SALL1: variants seen among roughly 807,000 people sequenced by gnomAD.
SALL1 encodes the protein spalt like transcription factor 1, also known as sal-like protein 1.
In SALL1, 10 loss-of-function variants were observed where a neutral mutation model predicts 73.1. The observed-to-expected ratio is 0.14, with a 90% CI of 0.08 to 0.23. The LOEUF (loss-of-function observed/expected upper bound fraction) is 0.23, where lower values mean the gene tolerates loss of function less well. Among genes scored for constraint, SALL1 ranks in the 10% least tolerant of loss-of-function variants. The pLI is 1.00. For missense variants in SALL1, 1,520 were observed against 1,697.3 expected (o/e 0.90, Z 1.84); for synonymous variants, 688 against 689.8 (o/e 1.00, Z 0.04).
Position 51,141,328 on chromosome 16 carries a change from T to A in SALL1, c.894A>T (p.Gly298=), listed in dbSNP as rs1186589513. The A allele has an allele frequency of 6.2e-7, 1 of 1,613,604 alleles. No individual in the cohort carries two copies. ...ATTGGCTGGCGAGGCTCTGTGCCAA[T>A]CCAGCTGCTGCTGCCAGCTGCTGAG... The part of the protein sequence containing the change: ...HLSQQLAAAA[G]LAQSLASQSA... The change falls in exon 2 of 3, where the codon GGA becomes GGT. Residue 298 remains glycine, a synonymous_variant. Transcript: ENST00000251020. The surrounding 1 kb of genome is among the most constrained non-coding windows in gnomAD (Gnocchi z 5.4).
Position 51,151,159 on chromosome 16 carries a change from C to CACT in SALL1, c.76+4_76+6dup. 6.3e-7 allele frequency: 1 copy of CACT among 1,592,000 alleles called. No individual in the cohort carries two copies. Among genetic ancestry groups the CACT allele is most frequent in the South Asian group, 1.1e-5 (1 of 87,050 alleles). Reference sequence around the variant, plus strand: ...TGTGTGTCCACGGCGCGGGCCGGAGCACTCACCATCTCGCCGGGGGAGCGA... The same window carrying CACT: ...TGTGTGTCCACGGCGCGGGCCGGAGCACTACTCACCATCTCGCCGGGGGAGCGA... On this transcript the variant is annotated splice_region_variant and intron_variant, in intron 1 of 2. Coordinates refer to ENST00000251020, the MANE Select transcript of SALL1 (RefSeq NM_002968.3).
At chr16:51,149,778 C>T (rs1378278860) in intron 1 of SALL1, 1 of 152,158 alleles carries the variant, frequency 6.6e-6, no homozygotes, top group Non-Finnish European at 1.5e-5. Flanking sequence ...GAGAGGCAGG[C>T]CTCTGGGAAA....
In SALL1 at chr16:51,139,744, A is replaced by G. The variant is rs758348578; in HGVS notation, c.2478T>C (p.Asp826=). ...CCTCAGGACAGTCTTCCATGTTTTC[A>G]TCAGAGAAGTTGTCTAGGTCATCAA... The part of the protein sequence containing the change: ...KNFDDLDNFS[D]ENMEDCPEGS... The change falls in exon 2 of 3, where the codon GAT becomes GAC. Residue 826 remains aspartate (D), a synonymous_variant. Transcript: ENST00000251020. The G allele has an allele frequency of 5.0e-6, 8 of 1,614,114 alleles. No individual in the cohort carries two copies. The highest frequency in any genetic ancestry group is 1.3e-5 in the African/African-American group (1 of 74,944).
intron 1 of SALL1, 106 bp from the exon 2 acceptor site, chr16:51,142,251 C>CA: frequency 1.1e-6 from 1 of 880,650 alleles, no homozygotes; most frequent in Non-Finnish European, 1.9e-6. Flanking sequence ...CTGCAAAACT[C>CA]AAAACTGTAG....
At position 51,137,067 on chromosome 16, in the gene SALL1, G is replaced by C. The variant is rs774473806; in HGVS notation, c.*45C>G. 2 of 1,596,514 alleles carry C rather than the reference G, an allele frequency of 1.3e-6. No individual in the cohort carries two copies. Among genetic ancestry groups the C allele is most frequent in the Non-Finnish European group, 1.7e-6 (2 of 1,165,622 alleles). ...AAGGAGTAGGAGGCCACCATAGGTC[G>C]CATTCTGAACAGGAATGAATGCTAT... On this transcript the variant is annotated 3_prime_UTR_variant, in exon 3 of 3. Transcript: ENST00000251020.
In SALL1 at chr16:51,137,130, C is replaced by T. The variant is rs1366906259; in HGVS notation, c.3957G>A (p.Lys1319=). ...AGCTGCTTTAACTCGTGACGATCTC[C>T]TTGCTGTCCTCCACGAAGCGGGTGA... ...FRFTRFVEDS[K]EIVTS is the part of the protein sequence containing the mutation. Residue 1319 remains lysine, a synonymous_variant, in exon 3 of 3, where the codon AAG becomes AAA. Coordinates refer to ENST00000251020, the MANE Select transcript of SALL1 (RefSeq NM_002968.3). 8.1e-6 allele frequency: 13 copies of T among 1,614,060 alleles called. No individual in the cohort carries two copies. The Admixed American group carries it at 8.3e-5, about 10-fold the overall frequency.
Position 51,139,056 on chromosome 16 carries a change from G to A in SALL1, c.3166C>T (p.Leu1056=), listed in dbSNP as rs1962362737. 6.2e-7 allele frequency: 1 copy of A among 1,614,218 alleles called. No homozygotes were observed. The highest frequency in any genetic ancestry group is 2.2e-5 in the East Asian group (1 of 44,882). ...CTGGGCTCAAAGAGCTGGGATGGCA[G>A]ATCTCGCATCTGATGTGTCAACATG... ...QHMLTHQMRD[L]PSQLFEPSSN... The change falls in exon 2 of 3, where the codon CTG becomes TTG. Residue 1056 remains leucine, a synonymous_variant. Coordinates refer to ENST00000251020, the MANE Select transcript of SALL1 (RefSeq NM_002968.3).
Position 51,137,319 on chromosome 16 carries a change from C to T in SALL1, c.3768G>A (p.Gln1256=), listed in dbSNP as rs886052081. Residue 1256 remains glutamine, a synonymous_variant, in exon 3 of 3, where the codon CAG becomes CAA. Transcript: ENST00000251020. ...AMKANEISVI[Q]NGGIPPIPGS... ...CAGGAATTGGAGGGATGCCACCGTT[C>T]TGAATGACGGAGATCTCGTTGGCCT... 4 of 1,614,122 alleles carry T rather than the reference C, an allele frequency of 2.5e-6. No homozygotes were observed. The Admixed American group carries it at 6.7e-5, about 27-fold the overall frequency.
intron 1 of SALL1, 96 bp downstream of exon 1, chr16:51,151,070 T>C: frequency 3.9e-6 from 3 of 765,682 alleles, no homozygotes; most frequent in Admixed American, 2.8e-5. Flanking sequence ...GGCGGTGAGG[T>C]AGGGGGCGCG....
chr16:51,149,377 CA>C (rs549185910), intron 1 of SALL1: 3 of 152,250 alleles, frequency 2.0e-5, no homozygotes, highest in South Asian at 4.1e-4. Context: ...TTTTCCGGTG[CA>C]AAAGGTCTCA....
chr16:51,139,740 T>C lies in SALL1; in HGVS notation c.2482A>G (p.Asn828Asp). The stretch of plus-strand genomic sequence containing the variant: ...CTGCCCTCAGGACAGTCTTCCATGT[T>C]TTCATCAGAGAAGTTGTCTAGGTCA... ...FDDLDNFSDENMEDCPEGSIP... is the reference protein window; with the variant it reads ...FDDLDNFSDEDMEDCPEGSIP... The change falls in exon 2 of 3, where the codon AAC (asparagine) becomes GAC (aspartate). Residue 828 changes from asparagine to aspartate, a missense_variant. Physicochemically the swap from Asn to Asp is conservative, Grantham distance 23 (BLOSUM62 1). Coordinates refer to ENST00000251020, the MANE Select transcript of SALL1 (RefSeq NM_002968.3). 1 of 1,614,228 alleles carries C rather than the reference T, an allele frequency of 6.2e-7. No homozygotes were observed. Among genetic ancestry groups the C allele is most frequent in the Non-Finnish European group, 8.5e-7 (1 of 1,180,046 alleles).
upstream of SALL1, among the ~76,000 whole-genome samples, chr16:51,151,647 G>T (rs1962610813): frequency 6.6e-6 from 1 of 151,260 alleles, no homozygotes; most frequent in Non-Finnish European, 1.5e-5. Context: ...TCCGCGGCCC[G>T]GCCGCCGGGG....
intron 1 of SALL1, among the ~76,000 whole-genome samples, chr16:51,148,643 T>C (rs1962551831): frequency 6.6e-6 from 1 of 152,242 alleles, no homozygotes; most frequent in Non-Finnish European, 1.5e-5. Flanking sequence ...AAAGGTAACC[T>C]TGAGTTATGT....
chr16:51,141,744 CGCTGCTGCT>C lies in SALL1; in HGVS notation c.469_477del (p.Ser157_Ser159del), dbSNP rs113614842. The C allele has an allele frequency of 3.6e-3, 5,624 of 1,580,006 alleles. 20 individuals are homozygous for C. Among genetic ancestry groups the C allele is most frequent in the Non-Finnish European group, 4.4e-3 (5,079 of 1,156,224 alleles). The stretch of plus-strand genomic sequence containing the variant: ...CCTGTGGAGGAGCTGCCGCCGCCGC[CGCTGCTGCT>C]GCTGCTGCTGCTGCTGCTGCTTGGG... On this transcript the variant is annotated inframe_deletion, in exon 2 of 3. Transcript: ENST00000251020. The surrounding 1 kb of genome is among the most constrained non-coding windows in gnomAD (Gnocchi z 5.4).
chr16:51,137,506 C>A lies in SALL1; in HGVS notation c.3581G>T (p.Gly1194Val), dbSNP rs753490042. The change falls in exon 3 of 3, where the codon GGT (glycine) becomes GTT (valine). Residue 1194 changes from glycine (G) to valine (V), a missense_variant. Gly to Val is a moderately radical substitution (Grantham distance 109). This residue lies in a region of SALL1 where 318 missense variants were observed against 357.1 expected (regional missense o/e 0.89). Transcript: ENST00000251020. ...HMWNSTPARR[G>V]RRLSVDGPMT... The stretch of plus-strand genomic sequence containing the variant: ...GGGGCCATCCACAGAGAGCCGCCGA[C>A]CCCGTCGTGCAGGGGTGCTATTCCA... The A allele has an allele frequency of 1.2e-6, 2 of 1,613,900 alleles. No homozygotes were observed. The highest frequency in any genetic ancestry group is 1.7e-6 in the Non-Finnish European group (2 of 1,179,998).
At position 51,141,329 on chromosome 16, in the gene SALL1, C is replaced by T; in HGVS notation, c.893G>A (p.Gly298Glu). 6 of 1,613,738 alleles carry T rather than the reference C, an allele frequency of 3.7e-6. No homozygotes were observed. The highest frequency in any genetic ancestry group is 5.1e-6 in the Non-Finnish European group (6 of 1,180,044). Residue 298 changes from glycine (G) to glutamate (E), a missense_variant, in exon 2 of 3, where the codon GGA (glycine) becomes GAA (glutamate). This residue lies in a region of SALL1 where 540 missense variants were observed against 567.5 expected (regional missense o/e 0.95). Coordinates refer to ENST00000251020, the MANE Select transcript of SALL1 (RefSeq NM_002968.3). The surrounding 1 kb of genome is among the most constrained non-coding windows in gnomAD (Gnocchi z 5.4). Reference sequence around the variant, plus strand: ...TTGGCTGGCGAGGCTCTGTGCCAATCCAGCTGCTGCTGCCAGCTGCTGAGA... The same window carrying T: ...TTGGCTGGCGAGGCTCTGTGCCAATTCAGCTGCTGCTGCCAGCTGCTGAGA... Reference protein sequence around the residue: ...HLSQQLAAAAGLAQSLASQSA... With the variant: ...HLSQQLAAAAELAQSLASQSA...
chr16:51,148,021 G>C lies in SALL1; in HGVS notation c.76+3145C>G, dbSNP rs369517425. The stretch of plus-strand genomic sequence containing the variant: ...GACAAGTCATATTTGCCATAATCTT[G>C]GTTTCATAAGAAGCAGAAAAATTAC... On this transcript the variant is annotated intron_variant, in intron 1 of 2. Transcript: ENST00000251020. Among the ~76,000 whole-genome samples, 14 of 152,264 alleles carry C rather than the reference G, an allele frequency of 9.2e-5. No homozygotes were observed. The East Asian group carries it at 1.7e-3, about 19-fold the overall frequency.
chr16:51,151,751 C>CA (rs1003018810), upstream of SALL1, among the ~76,000 whole-genome samples: 1 of 151,666 alleles, frequency 6.6e-6, no homozygotes, highest in African/African-American at 2.4e-5. Flanking sequence ...TTCGCCCCCC[C>CA]CCACAATCCC....
rs1224624409 is a variant in SALL1 at position 51,140,886 on chromosome 16, A to G, written c.1336T>C (p.Phe446Leu). ...FEAKSTSDEAFFKHKCRFCAK... is the reference protein window; with the variant it reads ...FEAKSTSDEALFKHKCRFCAK... ...CAGAACCTGCACTTGTGTTTGAAGA[A>G]TGCCTCATCGGAAGTACTTTTCGCT... Residue 446 changes from phenylalanine to leucine, a missense_variant, in exon 2 of 3, where the codon TTC becomes CTC. Transcript: ENST00000251020. The surrounding 1 kb of genome is among the most constrained non-coding windows in gnomAD (Gnocchi z 5.7). 2 of 1,614,074 alleles carry G rather than the reference A, an allele frequency of 1.2e-6. No individual in the cohort carries two copies.
Sources: gnomAD v4.1 joint callset for allele counts (sites outside exome capture counted in the v4.1 genomes callset) on GRCh38, gnomAD v4.1.1 for gene constraint, gnomAD v4.1.1 regional missense constraint, Gnocchi (gnomAD v3.1) non-coding constraint, MANE v1.5 for transcripts, NCBI Gene and HGNC (gene_info 2026-07-23, HGNC 2026-07-21) for gene names.